Variants in PDE10A observed in about 807,000 individuals in gnomAD.
The protein encoded by PDE10A is phosphodiesterase 10A, also known as cAMP and cAMP-inhibited cGMP 3',5'-cyclic phosphodiesterase 10A.
In PDE10A, 39 loss-of-function variants were observed where a neutral mutation model predicts 97.7. The ratio of observed to expected loss-of-function variants is 0.40; its 90% CI spans 0.31 to 0.52. The LOEUF is 0.52. Among genes scored for constraint, PDE10A ranks in the 20% least tolerant of loss-of-function variants. The pLI is 0.56. For missense variants in PDE10A, 731 were observed against 1,047.8 expected (o/e 0.70, Z 4.17); for synonymous variants, 371 against 376.8 (o/e 0.98, Z 0.18).
chr6:165,334,445 C>A (rs938508647), intron 21 of PDE10A, among the ~76,000 whole-genome samples: 2 of 151,390 alleles, frequency 1.3e-5, no homozygotes, highest in African/African-American at 2.5e-5. Flanking sequence ...CGCCCTACAG[C>A]GCCGGGCACA....
At chr6:165,971,237 A>T (rs1403299696) in intron 1 of PDE10A, among the ~76,000 whole-genome samples, 1 of 152,090 alleles carries the variant, frequency 6.6e-6, no homozygotes, top group Non-Finnish European at 1.5e-5. Flanking sequence ...ACAGAAATGG[A>T]TTCTGATTGT....
At chr6:165,499,201 G>A (rs1188275049) in intron 2 of PDE10A, among the ~76,000 whole-genome samples, 2 of 152,188 alleles carry the variant, frequency 1.3e-5, no homozygotes, top group African/African-American at 4.8e-5. Flanking sequence ...CCGGGGAAGA[G>A]TCTGATCAGG....
At chr6:165,472,656 G>C (rs1779082250) in intron 3 of PDE10A, among the ~76,000 whole-genome samples, 1 of 152,090 alleles carries the variant, frequency 6.6e-6, no homozygotes, top group African/African-American at 2.4e-5. Flanking sequence ...TTTCAGATTA[G>C]AATGTCAAAT....
At chr6:165,693,836 C>T (rs1015557234) in intron 1 of PDE10A, among the ~76,000 whole-genome samples, 30 of 152,162 alleles carry the variant, frequency 2.0e-4, no homozygotes, top group African/African-American at 3.4e-4. Context: ...AACTCATTCA[C>T]GGGGCCTTCC....
intron 1 of PDE10A, among the ~76,000 whole-genome samples, chr6:165,625,265 C>A (rs941659226): frequency 7.9e-5 from 12 of 152,190 alleles, no homozygotes; most frequent in Non-Finnish European, 1.5e-4. Flanking sequence ...AGGAGCCAGG[C>A]CAAGGCCGGG....
At chr6:165,771,687 A>T (rs1778016113) in intron 1 of PDE10A, among the ~76,000 whole-genome samples, 1 of 151,670 alleles carries the variant, frequency 6.6e-6, no homozygotes, top group Admixed American at 6.6e-5. Flanking sequence ...CATGCAAAAC[A>T]AAAAGCAAAA....
chr6:165,535,428 A>C (rs1422018201), intron 2 of PDE10A, among the ~76,000 whole-genome samples: 1 of 151,838 alleles, frequency 6.6e-6, no homozygotes. Flanking sequence ...CTCTATGTCC[A>C]TGTGTACATA....
intron 2 of PDE10A, among the ~76,000 whole-genome samples, chr6:165,499,043 C>T (rs1234766737): frequency 6.6e-6 from 1 of 152,146 alleles, no homozygotes; most frequent in Admixed American, 6.5e-5. Flanking sequence ...CTGAAAATTA[C>T]AAGACCAGAG....
chr6:165,491,241 C>G (rs755266987), intron 2 of PDE10A, among the ~76,000 whole-genome samples: 18 of 151,954 alleles, frequency 1.2e-4, no homozygotes, highest in Non-Finnish European at 2.4e-4. Flanking sequence ...AACACTGGAG[C>G]GCCCAAATTT....
chr6:165,593,771 T>A (rs373414724), intron 1 of PDE10A, among the ~76,000 whole-genome samples: 1 of 152,232 alleles, frequency 6.6e-6, no homozygotes, highest in African/African-American at 2.4e-5. Flanking sequence ...TTACTAATAT[T>A]ATGAAGTATG....
chr6:165,509,433 T>G (rs777420446), intron 2 of PDE10A, among the ~76,000 whole-genome samples: 1 of 152,028 alleles, frequency 6.6e-6, no homozygotes, highest in African/African-American at 2.4e-5. Flanking sequence ...TCTGTTCCAT[T>G]GTATAATTTG....
chr6:165,640,024 C>A (rs9355542), intron 1 of PDE10A, among the ~76,000 whole-genome samples: 1 of 150,372 alleles, frequency 6.7e-6, no homozygotes, highest in African/African-American at 2.4e-5. Context: ...GAGCTGTGAT[C>A]GCACCACTGC....
intron 1 of PDE10A, chr6:165,986,192 G>A (rs1228181847): frequency 6.5e-6 from 1 of 152,846 alleles, no homozygotes; most frequent in African/African-American, 2.4e-5. Flanking sequence ...CCACCCTCGA[G>A]GGCTTTGCGT....
chr6:165,402,512 C>T (rs1199810578), intron 13 of PDE10A, among the ~76,000 whole-genome samples: 1 of 151,986 alleles, frequency 6.6e-6, no homozygotes, highest in Non-Finnish European at 1.5e-5. Flanking sequence ...ACTATGTTGT[C>T]TTTTTAGGTG....
rs1179550823 is a variant in PDE10A, at chr6:165,751,908, G to A, written c.-614-208340C>T. On this transcript the variant is annotated intron_variant, in intron 1 of 19. Coordinates refer to the PDE10A transcript ENST00000366882. ...TAATCCCAGCACTTTGGGAGGCCAA[G>A]GCAGGTGGATCACGAGATCAGGAGA... Among the ~76,000 whole-genome samples the A allele has an allele frequency of 4.2e-4, 64 of 152,024 alleles. 1 individual carries two copies. Among genetic ancestry groups the A allele is most frequent in the African/African-American group, 2.4e-5 (1 of 41,404 alleles).
intron 1 of PDE10A, among the ~76,000 whole-genome samples, chr6:165,962,439 C>A (rs1014080370): frequency 6.6e-6 from 1 of 152,236 alleles, no homozygotes; most frequent in African/African-American, 2.4e-5. Context: ...ATCATTTTCA[C>A]CATTTGGCTA....
At chr6:165,443,927 G>A (rs1485214685) in intron 5 of PDE10A, among the ~76,000 whole-genome samples, 1 of 152,168 alleles carries the variant, frequency 6.6e-6, no homozygotes, top group Non-Finnish European at 1.5e-5. Flanking sequence ...CTATTGTCTT[G>A]GTGATTAATA....
At chr6:165,435,777 G>A (rs1009695625) in intron 5 of PDE10A, among the ~76,000 whole-genome samples, 39 of 152,296 alleles carry the variant, frequency 2.6e-4, no homozygotes, top group African/African-American at 8.9e-4. Flanking sequence ...AGAATCAGTA[G>A]CTGCAAGTCA....
chr6:165,472,268 T>C (rs545873133), intron 3 of PDE10A, among the ~76,000 whole-genome samples: 4 of 152,244 alleles, frequency 2.6e-5, no homozygotes, highest in South Asian at 4.1e-4. Flanking sequence ...ATTACATTAG[T>C]ATATAGTATT....
Sources: gnomAD v4.1 joint callset for allele counts (sites outside exome capture counted in the v4.1 genomes callset) on GRCh38, gnomAD v4.1.1 for gene constraint, MANE v1.5 for transcripts, NCBI Gene and HGNC (gene_info 2026-07-23, HGNC 2026-07-21) for gene names.